Variants in NEK5 observed in about 807,000 individuals in gnomAD.
The protein encoded by NEK5 is NIMA related kinase 5.
In NEK5, 88 loss-of-function variants were observed where a neutral mutation model predicts 109.2. The observed-to-expected ratio is 0.81, with a 90% CI of 0.68 to 0.96. The LOEUF is 0.96. Ranked by LOEUF, NEK5 falls within the 40% of genes least tolerant of loss-of-function variation. NEK5 has a pLI of 0.00. For missense variants in NEK5, 834 were observed against 920.7 expected, an observed-to-expected ratio of 0.91 and a Z score of 1.22; for synonymous variants, 283 against 299.9, an observed-to-expected ratio of 0.94 and a Z score of 0.58.
At chr13:52,086,155 C>T in intron 16 of NEK5, 122 bp downstream of exon 16, 1 of 725,006 alleles carries the variant, frequency 1.4e-6, no homozygotes, top group Non-Finnish European at 2.4e-6. Flanking sequence ...AAGAAGTCTA[C>T]ATGATTATCT....
chr13:52,099,646 G>C (rs1955488775), intron 12 of NEK5, 97 bp downstream of exon 12: 1 of 1,355,166 alleles, frequency 7.4e-7, no homozygotes, highest in South Asian at 1.4e-5. Flanking sequence ...CTCCAGCCTG[G>C]CGACAGAGCG....
chr13:52,109,357 G>A (rs766131240), intron 7 of NEK5, among the ~76,000 whole-genome samples: 2 of 152,102 alleles, frequency 1.3e-5, no homozygotes, highest in Admixed American at 6.6e-5. Flanking sequence ...TGACAAAGCA[G>A]ACTCCTTGTA....
intron 8 of NEK5, among the ~76,000 whole-genome samples, chr13:52,104,987 T>G (rs2138028189): frequency 6.6e-6 from 1 of 152,368 alleles, no homozygotes; most frequent in South Asian, 2.1e-4. Context: ...ATAAACATAG[T>G]ATCTGATTCT....
At chr13:52,065,213 T>G (rs1038140905) in intron 21 of NEK5, 1 of 522,070 alleles carries the variant, frequency 1.9e-6, no homozygotes, top group African/African-American at 1.9e-5. Flanking sequence ...CAGCTGTCCT[T>G]CCTCACGCAT....
intron 20 of NEK5, among the ~76,000 whole-genome samples, chr13:52,066,696 C>T (rs148325189): frequency 3.4e-4 from 52 of 151,402 alleles, no homozygotes; most frequent in African/African-American, 9.7e-4. Flanking sequence ...CCCAGCTACT[C>T]GGGAGGCTGA....
At chr13:52,128,009 G>T (rs1011521646) in intron 1 of NEK5, among the ~76,000 whole-genome samples, 1 of 152,010 alleles carries the variant, frequency 6.6e-6, no homozygotes, top group Non-Finnish European at 1.5e-5. Context: ...AGGTGGTTGG[G>T]GCCTGAGATG....
chr13:52,064,198 G>C (rs1428698781), intron 21 of NEK5, among the ~76,000 whole-genome samples: 1 of 128,452 alleles, frequency 7.8e-6, no homozygotes, highest in Non-Finnish European at 1.6e-5. Context: ...CCCCCCGCCC[G>C]GCCAGCCGCC....
chr13:52,061,181 A>G (rs376899529), intron 22 of NEK5, among the ~76,000 whole-genome samples: 23 of 152,336 alleles, frequency 1.5e-4, no homozygotes, highest in African/African-American at 5.1e-4. Context: ...TTAGATTCTC[A>G]TAAGGAGCAC....
chr13:52,034,134 T>C lies in NEK5; in HGVS notation c.*2814A>G, dbSNP rs897831873. The C allele has an allele frequency of 6.6e-6, 1 of 152,168 alleles. No homozygotes were observed. Among genetic ancestry groups the C allele is most frequent in the East Asian group, 1.9e-4 (1 of 5,202 alleles). The allele number at this position is 152,168 out of a possible 1,614,324, so 9.4% of individuals were successfully genotyped here. ...TTGCTACCATTTACAGAATGATCAATTTGATAGCTATCATACATGGCTAGC... is the reference window on the plus strand; with the variant it reads ...TTGCTACCATTTACAGAATGATCAACTTGATAGCTATCATACATGGCTAGC... On this transcript the variant is annotated 3_prime_UTR_variant, in exon 24 of 24. Coordinates refer to ENST00000684899, the MANE Select transcript of NEK5 (RefSeq NM_001365552.1).
At chr13:52,063,591 CG>C (rs1336909071) in intron 21 of NEK5, among the ~76,000 whole-genome samples, 4 of 148,176 alleles carry the variant, frequency 2.7e-5, no homozygotes, top group African/African-American at 1.0e-4. Flanking sequence ...AAGTGAGGAG[CG>C]TCTCTGCCCA....
Position 52,075,972 on chromosome 13 carries a change from T to G in NEK5, c.1653+91A>C, listed in dbSNP as rs182234255. The G allele has an allele frequency of 1.4e-4, 131 of 948,162 alleles. No individual in the cohort carries two copies. The African/African-American group carries it at 2.1e-3, about 15-fold the overall frequency. The allele number at this position is 948,162 out of a possible 1,614,324, so 58.7% of individuals were successfully genotyped here. ...AAAATAGAGCAATTCTATAAAATACTAGGGGGAAAATCATGCAGGCAACCG... is the reference window on the plus strand; with the variant it reads ...AAAATAGAGCAATTCTATAAAATACGAGGGGGAAAATCATGCAGGCAACCG... On this transcript the variant is annotated intron_variant, in intron 18 of 23. Transcript: ENST00000684899.
chr13:52,087,353 G>T lies in NEK5; in HGVS notation c.1377C>A (p.Asn459Lys), dbSNP rs752409091. 9.6e-6 allele frequency: 15 copies of T among 1,569,748 alleles called. No individual in the cohort carries two copies. Among genetic ancestry groups the T allele is most frequent in the African/African-American group, 1.4e-5 (1 of 74,030 alleles). The change falls in exon 15 of 24, where the codon AAC (asparagine) becomes AAA (lysine). Residue 459 changes from asparagine (N) to lysine (K), a missense_variant. This residue lies in a region of NEK5 where 777 missense variants were observed against 824.7 expected (regional missense o/e 0.94). Coordinates refer to ENST00000684899, the MANE Select transcript of NEK5 (RefSeq NM_001365552.1). The stretch of plus-strand genomic sequence containing the variant: ...AGTTTTTAACCTGTTCCTTCATTTC[G>T]TTTTTCCTAAATGGCAGCTCCTGGA... ...PRFQELPFRK[N>K]EMKEQEYWKQ...
In NEK5 at chr13:52,127,615, A is replaced by T. The variant is rs1242784519; in HGVS notation, c.-43T>A. ...CTCACTTAGCTAAAACTTTCCTCCC[A>T]GCCTTGCCAAGACAGAGACAAATAA... On this transcript the variant is annotated 5_prime_UTR_variant, in exon 2 of 24. Transcript: ENST00000684899. 1.6e-6 allele frequency: 1 copy of T among 631,716 alleles called. No individual in the cohort carries two copies. The highest frequency in any genetic ancestry group is 2.8e-6 in the Non-Finnish European group (1 of 353,114). 39.1% of individuals were successfully genotyped at this position (631,716 alleles called of 1,614,324 possible). A position where few individuals can be genotyped will look rare whatever the true frequency, so the allele number is the denominator to read the frequency against.
chr13:52,082,574 G>A (rs2137866270), intron 17 of NEK5, among the ~76,000 whole-genome samples: 1 of 152,178 alleles, frequency 6.6e-6, no homozygotes, highest in South Asian at 2.1e-4. Flanking sequence ...TTTCTCAGAA[G>A]GGAAAAAAAC....
chr13:52,099,516 A>G (rs1457583723), intron 12 of NEK5, among the ~76,000 whole-genome samples: 2 of 152,190 alleles, frequency 1.3e-5, no homozygotes, highest in Non-Finnish European at 2.9e-5. Context: ...CCAAAAATAC[A>G]AAAATTAGCT....
chr13:52,043,872 C>T (rs1294082597), intron 23 of NEK5, among the ~76,000 whole-genome samples: 1 of 152,172 alleles, frequency 6.6e-6, no homozygotes, highest in Non-Finnish European at 1.5e-5. Flanking sequence ...CTTTGGAAAA[C>T]AGTAAGTTAA....
intron 20 of NEK5, among the ~76,000 whole-genome samples, chr13:52,067,077 T>C (rs1043656704): frequency 2.0e-5 from 3 of 152,180 alleles, no homozygotes; most frequent in Non-Finnish European, 4.4e-5. Flanking sequence ...CTGTTTTAAC[T>C]ATTTGGGTGC....
At chr13:52,092,958 A>G in intron 13 of NEK5, 96 bp downstream of exon 13, 1 of 806,506 alleles carries the variant, frequency 1.2e-6, no homozygotes, top group Non-Finnish European at 1.9e-6. Context: ...TTCTTGGATT[A>G]TTTGTGTTAG....
At chr13:52,074,565 G>A (rs2137809820) in intron 19 of NEK5, among the ~76,000 whole-genome samples, 1 of 152,192 alleles carries the variant, frequency 6.6e-6, no homozygotes, top group Non-Finnish European at 1.5e-5. Flanking sequence ...TATGAACATG[G>A]GCCTTGGGAA....
Sources: allele counts gnomAD v4.1 joint callset (sites outside exome capture counted in the v4.1 genomes callset), GRCh38; gene constraint gnomAD v4.1.1; regional missense constraint gnomAD v4.1.1; transcripts MANE v1.5; gene names NCBI Gene and HGNC (gene_info 2026-07-23, HGNC 2026-07-21).